The following ANKRD11 variants were observed in gnomAD, a reference collection of about 807,000 sequenced individuals.
ANKRD11 encodes ankyrin repeat domain 11.
ANKRD11 carries 17 observed loss-of-function variants against 195.7 expected under a neutral mutation model. That is an observed-to-expected ratio of 0.09 (90% CI 0.06 to 0.13). The LOEUF is 0.13. Among genes scored for constraint, ANKRD11 ranks in the 10% least tolerant of loss-of-function variants. The pLI is 1.00. For missense variants in ANKRD11, 3,735 were observed against 3,566.1 expected, an observed-to-expected ratio of 1.05 and a Z score of -1.21; for synonymous variants, 1,953 against 1,528.1, an observed-to-expected ratio of 1.28 and a Z score of -6.49.
intron 7 of ANKRD11, chr16:89,287,695 G>C (rs1012238521): frequency 6.2e-6 from 1 of 160,360 alleles, no homozygotes; most frequent in African/African-American, 2.4e-5. Context: ...ACATCAAATA[G>C]GGACTCAGTG....
chr16:89,362,296 G>A (rs117327346), intron 2 of ANKRD11, among the ~76,000 whole-genome samples: 1 of 152,338 alleles, frequency 6.6e-6, no homozygotes, highest in East Asian at 1.9e-4. Flanking sequence ...GGGATGAAGA[G>A]TGCTCCTCTG....
At chr16:89,444,327 C>G (rs1235911307) in intron 1 of ANKRD11, among the ~76,000 whole-genome samples, 2 of 152,162 alleles carry the variant, frequency 1.3e-5, no homozygotes, top group African/African-American at 4.8e-5. Context: ...CCCTGAACCA[C>G]AACTCTGAAC....
At chr16:89,420,935 G>A (rs1286238317) in intron 1 of ANKRD11, among the ~76,000 whole-genome samples, 2 of 152,248 alleles carry the variant, frequency 1.3e-5, no homozygotes, top group South Asian at 2.1e-4. Flanking sequence ...AAGCTATGTT[G>A]TCAAACAGAA....
intron 4 of ANKRD11, among the ~76,000 whole-genome samples, chr16:89,302,881 A>G (rs1300087191): frequency 6.6e-6 from 1 of 152,156 alleles, no homozygotes; most frequent in Admixed American, 6.5e-5. Flanking sequence ...ACGCAGTTCC[A>G]GGAGCACCCA....
intron 2 of ANKRD11, among the ~76,000 whole-genome samples, chr16:89,352,321 G>A (rs1368611625): frequency 6.6e-6 from 1 of 151,860 alleles, no homozygotes; most frequent in Non-Finnish European, 1.5e-5. Flanking sequence ...CAGAGCCCTG[G>A]GGGAAGGCAA....
chr16:89,440,105 C>T (rs2043381796), intron 1 of ANKRD11, among the ~76,000 whole-genome samples: 1 of 152,192 alleles, frequency 6.6e-6, no homozygotes, highest in Non-Finnish European at 1.5e-5. Context: ...GAACCTCTAG[C>T]CCAGTGCTCA....
chr16:89,280,085 C>T lies in ANKRD11; in HGVS notation c.6457G>A (p.Ala2153Thr), dbSNP rs1218990658. 6.2e-7 allele frequency: 1 copy of T among 1,613,096 alleles called. No individual in the cohort carries two copies. The highest frequency in any genetic ancestry group is 1.3e-5 in the African/African-American group (1 of 74,938). Residue 2153 changes from alanine (A) to threonine (T), a missense_variant, in exon 9 of 13, where the codon GCG becomes ACG. Ala to Thr is a moderately conservative substitution (Grantham distance 58). Coordinates refer to ENST00000301030, the MANE Select transcript of ANKRD11 (RefSeq NM_013275.6). ...LQTKDAADGE[A>T]EPVEESLAPP... Reference sequence around the variant, plus strand: ...GCAAGACTTTCTTCCACGGGTTCCGCTTCACCATCTGCGGCATCTTTAGTC... The same window carrying T: ...GCAAGACTTTCTTCCACGGGTTCCGTTTCACCATCTGCGGCATCTTTAGTC...
At chr16:89,355,963 T>C (rs114015896) in intron 2 of ANKRD11, among the ~76,000 whole-genome samples, 2,282 of 151,880 alleles carry the variant, frequency 0.015, 52 homozygotes, top group African/African-American at 0.053. Flanking sequence ...CCACCAGAAA[T>C]GAGTTGGGAG....
intron 1 of ANKRD11, among the ~76,000 whole-genome samples, chr16:89,432,713 A>G (rs754179572): frequency 3.9e-5 from 6 of 152,034 alleles, no homozygotes; most frequent in Non-Finnish European, 7.4e-5. Flanking sequence ...TTCATATTCT[A>G]TCACGGTATA....
intron 1 of ANKRD11, among the ~76,000 whole-genome samples, chr16:89,452,100 A>T (rs2044103165): frequency 6.6e-6 from 1 of 151,970 alleles, no homozygotes; most frequent in African/African-American, 2.4e-5. Context: ...CTCTACTAAA[A>T]TACAAAAATT....
intron 2 of ANKRD11, among the ~76,000 whole-genome samples, chr16:89,381,700 C>T (rs999173031): frequency 6.6e-6 from 1 of 152,174 alleles, no homozygotes; most frequent in African/African-American, 2.4e-5. Context: ...GAAACAGATG[C>T]CCTCTGCTAC....
intron 1 of ANKRD11, among the ~76,000 whole-genome samples, chr16:89,466,016 A>G (rs911904399): frequency 5.9e-5 from 9 of 152,072 alleles, no homozygotes; most frequent in Admixed American, 5.9e-4. Context: ...GGCCACCATC[A>G]CACTTTCTAA....
chr16:89,298,630 T>TG (rs1567604460), intron 4 of ANKRD11, among the ~76,000 whole-genome samples: 1 of 152,196 alleles, frequency 6.6e-6, no homozygotes, highest in Non-Finnish European at 1.5e-5. Flanking sequence ...GAGCCTCGGG[T>TG]GGTCTTGTGG....
chr16:89,381,883 C>T (rs1465952552), intron 2 of ANKRD11, among the ~76,000 whole-genome samples: 1 of 152,248 alleles, frequency 6.6e-6, no homozygotes, highest in Non-Finnish European at 1.5e-5. Flanking sequence ...ACAGGCCACT[C>T]ACGTGGTGAC....
chr16:89,319,181 C>T (rs1000889367), intron 2 of ANKRD11, among the ~76,000 whole-genome samples: 4 of 152,252 alleles, frequency 2.6e-5, no homozygotes, highest in Non-Finnish European at 5.9e-5. Context: ...CTGTGGCCCA[C>T]GGACACACTC....
intron 1 of ANKRD11, chr16:89,418,600 T>G (rs2042392320): frequency 5.2e-6 from 1 of 191,570 alleles, no homozygotes; most frequent in Non-Finnish European, 1.1e-5. Flanking sequence ...AAATCCAAAG[T>G]CCAGCACAAA....
At chr16:89,378,711 C>G (rs2040522745) in intron 2 of ANKRD11, among the ~76,000 whole-genome samples, 1 of 152,212 alleles carries the variant, frequency 6.6e-6, no homozygotes. Flanking sequence ...TCCCGAGTAG[C>G]TGGGATTACA....
intron 1 of ANKRD11, among the ~76,000 whole-genome samples, chr16:89,454,549 GA>G (rs528837316): frequency 7.6e-4 from 116 of 152,282 alleles, no homozygotes; most frequent in African/African-American, 2.6e-3. Flanking sequence ...AAGCCACTAT[GA>G]AAGCGGCTCT....
chr16:89,446,733 C>T (rs1442467353), intron 1 of ANKRD11, among the ~76,000 whole-genome samples: 1 of 152,188 alleles, frequency 6.6e-6, no homozygotes, highest in Non-Finnish European at 1.5e-5. Context: ...CCACCAGCCA[C>T]AGCCATGCCC....
Sources: allele counts gnomAD v4.1 joint callset (sites outside exome capture counted in the v4.1 genomes callset), GRCh38; gene constraint gnomAD v4.1.1; transcripts MANE v1.5; gene names NCBI Gene and HGNC (gene_info 2026-07-23, HGNC 2026-07-21).